GUCY1A2: variants seen among roughly 807,000 people sequenced by gnomAD.
GUCY1A2 encodes the protein guanylate cyclase soluble subunit alpha-2.
Under a neutral mutation model 63.5 loss-of-function variants are expected in GUCY1A2, and 27 were observed. The observed-to-expected ratio is 0.43, with a 90% CI of 0.31 to 0.59. The LOEUF is 0.59. Ranked by LOEUF, GUCY1A2 falls within the 20% of genes least tolerant of loss-of-function variation. GUCY1A2 has a pLI of 0.11. For synonymous variants in GUCY1A2, 364 were observed against 343.5 expected (o/e 1.06, Z -0.66); for missense variants, 768 against 913.3 (o/e 0.84, Z 2.05).
chr11:106,793,439 A>G (rs1864698368), intron 5 of GUCY1A2, among the ~76,000 whole-genome samples: 1 of 152,166 alleles, frequency 6.6e-6, no homozygotes, highest in Admixed American at 6.6e-5. Flanking sequence ...CACTGGCCTT[A>G]GCAATGAGTT....
At chr11:106,861,013 T>C (rs1226839888) in intron 4 of GUCY1A2, among the ~76,000 whole-genome samples, 1 of 151,882 alleles carries the variant, frequency 6.6e-6, no homozygotes, top group Non-Finnish European at 1.5e-5. Flanking sequence ...AGAAGAAGAT[T>C]ATTTGCTTAT....
intron 4 of GUCY1A2, among the ~76,000 whole-genome samples, chr11:106,926,278 T>C (rs1166739600): frequency 6.6e-6 from 1 of 151,590 alleles, no homozygotes; most frequent in Non-Finnish European, 1.5e-5. Flanking sequence ...ATAACAATAA[T>C]AATACAAAAT....
At chr11:106,890,141 C>T (rs886610467) in intron 4 of GUCY1A2, among the ~76,000 whole-genome samples, 2 of 152,026 alleles carry the variant, frequency 1.3e-5, no homozygotes, top group Non-Finnish European at 2.9e-5. Flanking sequence ...CTTCATTGCC[C>T]GTTAAATCTG....
intron 6 of GUCY1A2, among the ~76,000 whole-genome samples, chr11:106,723,819 C>T (rs1863358231): frequency 6.6e-6 from 1 of 150,826 alleles, no homozygotes; most frequent in Admixed American, 6.6e-5. Flanking sequence ...AGCGAAACTC[C>T]ATCTCAAAAA....
intron 5 of GUCY1A2, among the ~76,000 whole-genome samples, chr11:106,805,974 T>C (rs770168178): frequency 1.3e-5 from 2 of 152,140 alleles, no homozygotes; most frequent in Non-Finnish European, 2.9e-5. Flanking sequence ...AGTTTTCTTA[T>C]CCGAAAATGT....
At chr11:106,847,150 C>T (rs1363256802) in intron 4 of GUCY1A2, among the ~76,000 whole-genome samples, 1 of 150,158 alleles carries the variant, frequency 6.7e-6, no homozygotes, top group Non-Finnish European at 1.5e-5. Context: ...TTCACTCATT[C>T]CACCAATATT....
intron 7 of GUCY1A2, among the ~76,000 whole-genome samples, chr11:106,688,377 T>C (rs1862565058): frequency 6.6e-6 from 1 of 152,174 alleles, no homozygotes; most frequent in Non-Finnish European, 1.5e-5. Context: ...ATAAAGACTC[T>C]TTTTCAAAAC....
intron 6 of GUCY1A2, among the ~76,000 whole-genome samples, chr11:106,752,559 T>G (rs1323970736): frequency 1.3e-5 from 2 of 152,006 alleles, no homozygotes; most frequent in South Asian, 2.1e-4. Context: ...CCCCTCCCTG[T>G]GCCCATGTGT....
At chr11:106,724,869 A>G (rs180719144) in intron 6 of GUCY1A2, among the ~76,000 whole-genome samples, 1 of 152,252 alleles carries the variant, frequency 6.6e-6, no homozygotes, top group Admixed American at 6.5e-5. Flanking sequence ...ATCTCATTTG[A>G]TTTCATTTAC....
chr11:106,798,089 C>T (rs1256261985), intron 5 of GUCY1A2, among the ~76,000 whole-genome samples: 1 of 152,052 alleles, frequency 6.6e-6, no homozygotes, highest in African/African-American at 2.4e-5. Context: ...GATATCACCA[C>T]CAATCCCACA....
At chr11:106,946,416 TTAAAG>T (rs1214525502) in intron 3 of GUCY1A2, among the ~76,000 whole-genome samples, 1 of 152,008 alleles carries the variant, frequency 6.6e-6, no homozygotes, top group Admixed American at 6.5e-5. Context: ...AGCTCACGGA[TTAAAG>T]TAAATGTAAA....
At chr11:106,841,894 C>G (rs574438998) in intron 4 of GUCY1A2, among the ~76,000 whole-genome samples, 11 of 151,912 alleles carry the variant, frequency 7.2e-5, no homozygotes, top group African/African-American at 2.4e-4. Context: ...ACAAATCCAA[C>G]TATTTATCAT....
intron 4 of GUCY1A2, among the ~76,000 whole-genome samples, chr11:106,893,786 A>G (rs1860007541): frequency 1.3e-5 from 2 of 152,182 alleles, no homozygotes; most frequent in African/African-American, 2.4e-5. Context: ...GTGCCACAGT[A>G]GAGAAACCTG....
chr11:106,935,464 T>G (rs1354692604), intron 4 of GUCY1A2, among the ~76,000 whole-genome samples: 2 of 152,160 alleles, frequency 1.3e-5, no homozygotes, highest in Non-Finnish European at 2.9e-5. Context: ...GATAACAAGA[T>G]GATCCCTTCA....
At chr11:107,003,135 T>G (rs577917137) in intron 1 of GUCY1A2, among the ~76,000 whole-genome samples, 1 of 152,324 alleles carries the variant, frequency 6.6e-6, no homozygotes, top group Admixed American at 6.5e-5. Flanking sequence ...TGTCTCTATT[T>G]TTATCAAATG....
chr11:106,916,838 A>G lies in GUCY1A2; in HGVS notation c.1206+22622T>C, dbSNP rs916735240. Among the ~76,000 whole-genome samples, 3 of 145,708 alleles carry G rather than the reference A, an allele frequency of 2.1e-5. 1 individual carries two copies. The highest frequency in any genetic ancestry group is 4.6e-5 in the Non-Finnish European group (3 of 64,878). ...GAAAGACAACTTACATAAAATTTAT[A>G]AACACTTGCAGAAATAAAACATTAT... On this transcript the variant is annotated intron_variant, in intron 4 of 7. Coordinates refer to ENST00000526355, the MANE Select transcript of GUCY1A2 (RefSeq NM_000855.3).
intron 4 of GUCY1A2, among the ~76,000 whole-genome samples, chr11:106,874,286 T>C (rs1008493421): frequency 3.3e-5 from 5 of 152,112 alleles, no homozygotes; most frequent in African/African-American, 7.2e-5. Flanking sequence ...CTTTGTAGAA[T>C]AGGATCGAAT....
intron 5 of GUCY1A2, among the ~76,000 whole-genome samples, chr11:106,804,494 A>G (rs917192098): frequency 6.6e-6 from 1 of 152,210 alleles, no homozygotes. Flanking sequence ...TTTGAAAGGC[A>G]ACAAAACAAG....
chr11:106,908,652 CTT>C (rs915144440), intron 4 of GUCY1A2, among the ~76,000 whole-genome samples: 1 of 151,860 alleles, frequency 6.6e-6, no homozygotes, highest in Non-Finnish European at 1.5e-5. Context: ...TAGAGCAACT[CTT>C]AAATAAAAAA....
Sources: gnomAD v4.1 joint callset for allele counts (sites outside exome capture counted in the v4.1 genomes callset) on GRCh38, gnomAD v4.1.1 for gene constraint, MANE v1.5 for transcripts, NCBI Gene and HGNC (gene_info 2026-07-23, HGNC 2026-07-21) for gene names.